The following REPS2 variants were observed in gnomAD, a reference collection of about 807,000 sequenced individuals.
REPS2 encodes the protein RALBP1 associated Eps domain containing 2.
In REPS2, 23 loss-of-function variants were observed where a neutral mutation model predicts 53.6. The observed-to-expected ratio is 0.43, with a 90% confidence interval of 0.31 to 0.61. The LOEUF (loss-of-function observed/expected upper bound fraction) is 0.61, where lower values mean the gene tolerates loss of function less well. REPS2 is among the 20% of genes least tolerant of loss of function. The pLI is 0.11. For synonymous variants in REPS2, 238 were observed against 218.6 expected, an observed-to-expected ratio of 1.09 and a Z score of -0.78; for missense variants, 446 against 534.9, an observed-to-expected ratio of 0.83 and a Z score of 1.64.
chrX:17,024,990 CT>C (rs1386407540), intron 3 of REPS2, 68 bp from the exon 4 acceptor site: 51 of 1,201,057 alleles, frequency 4.2e-5, no homozygotes, highest in Non-Finnish European at 5.2e-5. Flanking sequence ...TTGCGTTATG[CT>C]TCCTGACTGC....
intron 2 of REPS2, among the ~76,000 whole-genome samples, chrX:17,015,173 A>G (rs1332587025): frequency 1.8e-5 from 2 of 112,901 alleles, no homozygotes; most frequent in African/African-American, 6.4e-5. Context: ...GTTATTTAAT[A>G]TCGTAGCCAC....
chrX:16,959,449 T>C lies in REPS2; in HGVS notation c.273+12315T>C, dbSNP rs1479750908. Among the ~76,000 whole-genome samples, 3 of 111,922 alleles carry C rather than the reference T, an allele frequency of 2.7e-5. No individual in the cohort carries two copies. In the Admixed American group the frequency reaches 2.9e-4, roughly 11 times the overall value. On this transcript the variant is annotated intron_variant, in intron 1 of 17. Coordinates refer to ENST00000357277, the MANE Select transcript of REPS2 (RefSeq NM_004726.3). ...GGCTTTCCGTGAGTTGGAGTGTTTG[T>C]CCTTATTCATGACACTGGGAAACAT...
chrX:17,134,138 C>T (rs2063330371), intron 15 of REPS2, among the ~76,000 whole-genome samples: 1 of 111,566 alleles, frequency 9.0e-6, no homozygotes, highest in African/African-American at 3.3e-5. Context: ...CCTTAGCCCC[C>T]CAGCTAAACA....
intron 14 of REPS2, among the ~76,000 whole-genome samples, chrX:17,108,849 A>G (rs1274436330): frequency 9.1e-6 from 1 of 110,383 alleles, no homozygotes; most frequent in Non-Finnish European, 1.9e-5. Context: ...CTTTAAGCTT[A>G]GAGAGACCAA....
intron 14 of REPS2, among the ~76,000 whole-genome samples, chrX:17,124,707 G>T (rs1303412667): frequency 9.0e-6 from 1 of 110,564 alleles, no homozygotes. Context: ...GAATTTAGCT[G>T]CTGCCTTTGT....
chrX:17,051,275 G>C (rs1177033888), intron 6 of REPS2, among the ~76,000 whole-genome samples: 1 of 111,405 alleles, frequency 9.0e-6, no homozygotes, highest in Non-Finnish European at 1.9e-5. Flanking sequence ...GGACACATAG[G>C]TTGCCTCCAA....
At chrX:16,949,354 A>G (rs930200166) in intron 1 of REPS2, among the ~76,000 whole-genome samples, 13 of 112,345 alleles carry the variant, frequency 1.2e-4, no homozygotes, top group Middle Eastern at 4.6e-3. Context: ...TTCCAGGAAG[A>G]GTGAGAATCT....
chrX:17,171,641 T>G, the REPS2 span, among the ~76,000 whole-genome samples: 2 of 110,685 alleles, frequency 1.8e-5, no homozygotes, highest in African/African-American at 6.6e-5. Context: ...TACCTCAGCC[T>G]CCCTAGTAGC....
chrX:17,107,557 G>A (rs1457533416), intron 14 of REPS2, among the ~76,000 whole-genome samples: 1 of 112,321 alleles, frequency 8.9e-6, no homozygotes, highest in African/African-American at 3.2e-5. Context: ...ATGAAGTATA[G>A]GTTTTCAGCA....
intron 5 of REPS2, among the ~76,000 whole-genome samples, chrX:17,034,061 C>T (rs756796912): frequency 8.9e-6 from 1 of 111,836 alleles, no homozygotes; most frequent in Non-Finnish European, 1.9e-5. Context: ...CTTGTATATG[C>T]GATGTTTCCT....
chrX:17,111,655 T>TGTA (rs1453878886), intron 14 of REPS2, among the ~76,000 whole-genome samples: 1 of 111,926 alleles, frequency 8.9e-6, no homozygotes, highest in African/African-American at 3.2e-5. Flanking sequence ...CTGTGCTGAA[T>TGTA]GTAGTAATAT....
At chrX:16,982,913 A>G (rs775013964) in intron 1 of REPS2, among the ~76,000 whole-genome samples, 6 of 112,575 alleles carry the variant, frequency 5.3e-5, no homozygotes, top group Non-Finnish European at 1.1e-4. Flanking sequence ...TTTGGTGACT[A>G]TTTGATACTT....
chrX:17,115,228 G>T (rs1271665956), intron 14 of REPS2, among the ~76,000 whole-genome samples: 3 of 112,288 alleles, frequency 2.7e-5, no homozygotes, highest in Non-Finnish European at 3.8e-5. Context: ...ATGTGGCAGG[G>T]TCATAGGATA....
At chrX:17,184,775 G>A in the REPS2 span, among the ~76,000 whole-genome samples, 2 of 112,091 alleles carry the variant, frequency 1.8e-5, no homozygotes, top group African/African-American at 6.5e-5. Context: ...TTCTCTGATG[G>A]CCAGTGATGG....
In REPS2 at chrX:16,946,882, GGCGGCGGCGGCAGCGGCA is replaced by G; in HGVS notation, c.27_44del (p.Ala12_Ala17del). On this transcript the variant is annotated inframe_deletion, in exon 1 of 18. Coordinates refer to ENST00000357277, the MANE Select transcript of REPS2 (RefSeq NM_004726.3). ...GCCCCATGGAGGCGGCAGCGGCGGC[GGCGGCGGCGGCAGCGGCA>G]GCGGCAGCGGCGGGCGGGGGCTGTG... 1.3e-6 allele frequency: 1 copy of G among 770,017 alleles called. No homozygotes were observed. The highest frequency in any genetic ancestry group is 7.1e-4 in the Middle Eastern group (1 of 1,399). 63.5% of individuals were successfully genotyped at this position (770,017 alleles called of 1,213,427 possible). A position where few individuals can be genotyped will look rare whatever the true frequency, so the allele number is the denominator to read the frequency against.
chrX:16,972,925 C>T (rs1329146892), intron 1 of REPS2, among the ~76,000 whole-genome samples: 1 of 111,518 alleles, frequency 9.0e-6, no homozygotes, highest in Non-Finnish European at 1.9e-5. Flanking sequence ...AACTACAGAG[C>T]TTATTTGAAT....
chrX:17,073,531 A>T lies in REPS2; in HGVS notation c.1334-583A>T, dbSNP rs1049236802. 1.3e-4 allele frequency among the ~76,000 whole-genome samples: 14 copies of T among 111,916 alleles called. No individual in the cohort carries two copies. In the East Asian group the frequency reaches 3.1e-3, roughly 25 times the overall value. On this transcript the variant is annotated intron_variant, in intron 11 of 17. Transcript: ENST00000357277. Reference sequence around the variant, plus strand: ...CATATGGCTGGGAAAAGATTCAGCGATATTGTTCATAATTCTCTGTATGAT... The same window carrying T: ...CATATGGCTGGGAAAAGATTCAGCGTTATTGTTCATAATTCTCTGTATGAT...
intron 16 of REPS2, chrX:17,136,787 A>G (rs992081494): frequency 9.0e-6 from 1 of 110,547 alleles, no homozygotes; most frequent in African/African-American, 3.3e-5. Flanking sequence ...ATTAGCAATC[A>G]CTCCCCATTC....
chrX:17,012,102 C>T (rs778385691), intron 2 of REPS2, among the ~76,000 whole-genome samples: 17 of 108,581 alleles, frequency 1.6e-4, no homozygotes, highest in African/African-American at 2.7e-4. Flanking sequence ...GATGTTGGCC[C>T]GGCATGGTGG....
Sources: allele counts gnomAD v4.1 joint callset (sites outside exome capture counted in the v4.1 genomes callset), GRCh38; gene constraint gnomAD v4.1.1; transcripts MANE v1.5; gene names NCBI Gene and HGNC (gene_info 2026-07-23, HGNC 2026-07-21).